Variants in LCLAT1 observed in about 807,000 individuals in gnomAD.
LCLAT1 encodes 1-AGP acyltransferase 8.
In LCLAT1, 11 loss-of-function variants were observed where a neutral mutation model predicts 30.7. The observed-to-expected ratio is 0.36, with a 90% CI of 0.23 to 0.59. The LOEUF is 0.59. Among genes scored for constraint, LCLAT1 ranks in the 20% least tolerant of loss-of-function variants. The pLI is 0.77. For synonymous variants in LCLAT1, 155 were observed against 151.3 expected, an observed-to-expected ratio of 1.02 and a Z score of -0.18; for missense variants, 402 against 458.6, an observed-to-expected ratio of 0.88 and a Z score of 1.13.
At chr2:30,638,422 C>A (rs1369615202) in intron 5 of LCLAT1, among the ~76,000 whole-genome samples, 1 of 152,290 alleles carries the variant, frequency 6.6e-6, no homozygotes, top group East Asian at 1.9e-4. Context: ...CTTATGCTCC[C>A]TTCTCATCGT....
chr2:30,608,563 A>G (rs1218967705), intron 5 of LCLAT1, among the ~76,000 whole-genome samples: 2 of 151,958 alleles, frequency 1.3e-5, no homozygotes, highest in African/African-American at 4.8e-5. Flanking sequence ...TATCTTTTAT[A>G]CTGTATTTTT....
At chr2:30,600,830 G>A (rs780462837) in intron 5 of LCLAT1, among the ~76,000 whole-genome samples, 8 of 152,090 alleles carry the variant, frequency 5.3e-5, no homozygotes, top group Non-Finnish European at 1.0e-4. Flanking sequence ...ATGTTGGCCC[G>A]TCTTCCTAGG....
At chr2:30,598,427 T>TTTA (rs1667028882) in intron 5 of LCLAT1, among the ~76,000 whole-genome samples, 1 of 151,676 alleles carries the variant, frequency 6.6e-6, no homozygotes, top group Non-Finnish European at 1.5e-5. Flanking sequence ...TTTTTTTTTT[T>TTTA]TTATTTGCAG....
Position 30,523,539 on chromosome 2 carries a change from G to A in LCLAT1, c.-4-2048G>A, listed in dbSNP as rs1351800123. 2.6e-5 allele frequency among the ~76,000 whole-genome samples: 4 copies of A among 152,168 alleles called. No individual in the cohort carries two copies. The East Asian group carries it at 7.7e-4, about 29-fold the overall frequency. ...ATATTTATTCAGTTTGTACTTTGAA[G>A]GATTTTGTACACGTACTGTCAAGTA... On this transcript the variant is annotated intron_variant, in intron 1 of 5. Coordinates refer to ENST00000379509, the MANE Select transcript of LCLAT1 (RefSeq NM_001002257.3).
In LCLAT1 at chr2:30,640,127, T is replaced by G. The variant is rs2148540180; in HGVS notation, c.639T>G (p.Leu213=). The G allele has an allele frequency of 1.2e-6, 2 of 1,610,686 alleles. No individual in the cohort carries two copies. Among genetic ancestry groups the G allele is most frequent in the Middle Eastern group, 3.3e-4 (2 of 6,046 alleles). The change falls in exon 6 of 6, where the codon CTT becomes CTG. Residue 213 remains leucine (L), a synonymous_variant. Coordinates refer to ENST00000379509, the MANE Select transcript of LCLAT1 (RefSeq NM_001002257.3). ...VVDRLREGKN[L]DAVHDITVAY... ...CTTTTCGAAACCCAGGTAAGAACCT[T>G]GATGCTGTCCATGATATCACTGTGG...
At chr2:30,464,657 T>C (rs1572478845) in intron 1 of LCLAT1, among the ~76,000 whole-genome samples, 1 of 152,086 alleles carries the variant, frequency 6.6e-6, no homozygotes, top group South Asian at 2.1e-4. Context: ...CAGACAAAAC[T>C]TCTCTTGTAT....
At chr2:30,454,924 T>C (rs916950125) in intron 1 of LCLAT1, among the ~76,000 whole-genome samples, 1 of 152,204 alleles carries the variant, frequency 6.6e-6, no homozygotes, top group East Asian at 1.9e-4. Flanking sequence ...AATTTATTTA[T>C]GGTAGTAATG....
At chr2:30,490,966 G>T (rs982779036) in intron 1 of LCLAT1, among the ~76,000 whole-genome samples, 3 of 152,154 alleles carry the variant, frequency 2.0e-5, no homozygotes, top group Admixed American at 1.3e-4. Context: ...AATTATTTTG[G>T]ATTGATTACA....
intron 5 of LCLAT1, among the ~76,000 whole-genome samples, chr2:30,594,077 C>T (rs974313087): frequency 1.3e-5 from 2 of 151,926 alleles, no homozygotes; most frequent in Non-Finnish European, 2.9e-5. Context: ...TAGTTTCACA[C>T]TTGTTTTTAG....
chr2:30,627,949 G>C (rs755236130), intron 5 of LCLAT1, among the ~76,000 whole-genome samples: 1 of 152,092 alleles, frequency 6.6e-6, no homozygotes, highest in Non-Finnish European at 1.5e-5. Flanking sequence ...AAATGTTAAT[G>C]AAAGCAATAA....
chr2:30,501,084 G>GTGTATGTGTGTGTA (rs56192317), intron 1 of LCLAT1, among the ~76,000 whole-genome samples: 1 of 103,130 alleles, frequency 9.7e-6, no homozygotes, highest in East Asian at 2.6e-4. Flanking sequence ...TTCTGTGTGT[G>GTGTATGTGTGTGTA]TGTGTGTGTG....
rs1486632119 is a variant in LCLAT1, at chr2:30,542,987, A to G, written c.364+9673A>G. Among the ~76,000 whole-genome samples, 10 of 91,532 alleles carry G rather than the reference A, an allele frequency of 1.1e-4. No individual in the cohort carries two copies. In the South Asian group the frequency reaches 2.4e-3, roughly 22 times the overall value. The allele number at this position is 91,532 out of a possible 152,430, so 60.0% of individuals were successfully genotyped here. The stretch of plus-strand genomic sequence containing the variant: ...TTTTTTTTGCCTTATTGCGGTGGCT[A>G]TTCTTTTAGTATAATGTTAAGTAGA... On this transcript the variant is annotated intron_variant, in intron 3 of 5. Transcript: ENST00000379509.
At chr2:30,533,452 T>C (rs200241750) in intron 3 of LCLAT1, 138 bp downstream of exon 3, 15 of 717,338 alleles carry the variant, frequency 2.1e-5, no homozygotes, top group Non-Finnish European at 3.2e-5. Context: ...CTTTTGTCTT[T>C]AGTGGATCTG....
Position 30,542,953 on chromosome 2 carries a change from C to CT in LCLAT1, c.364+9655dup, listed in dbSNP as rs34535640. On this transcript the variant is annotated intron_variant, in intron 3 of 5. Coordinates refer to ENST00000379509, the MANE Select transcript of LCLAT1 (RefSeq NM_001002257.3). Reference sequence around the variant, plus strand: ...TAATTTTAATATTCGACTTTTATGGCTTTTTTTTTTTTTTTTGCCTTATTG... The same window carrying CT: ...TAATTTTAATATTCGACTTTTATGGCTTTTTTTTTTTTTTTTTGCCTTATTG... Among the ~76,000 whole-genome samples, 822 of 124,150 alleles carry CT rather than the reference C, an allele frequency of 6.6e-3. 5 individuals carry two copies. The highest frequency in any genetic ancestry group is 0.014 in the African/African-American group (480 of 33,278). 81.4% of individuals were successfully genotyped at this position (124,150 alleles called of 152,430 possible). A position where few individuals can be genotyped will look rare whatever the true frequency, so the allele number is the denominator to read the frequency against.
At chr2:30,593,769 A>T (rs530790723) in intron 5 of LCLAT1, among the ~76,000 whole-genome samples, 1 of 152,138 alleles carries the variant, frequency 6.6e-6, no homozygotes, top group South Asian at 2.1e-4. Context: ...TATTCTTGGT[A>T]TTGAATGGCC....
intron 1 of LCLAT1, among the ~76,000 whole-genome samples, chr2:30,515,321 C>T (rs1325630114): frequency 6.6e-6 from 1 of 152,204 alleles, no homozygotes; most frequent in African/African-American, 2.4e-5. Flanking sequence ...TATTTTCGTA[C>T]TTAGCTTCCC....
chr2:30,501,148 A>G (rs1684366747), intron 1 of LCLAT1, among the ~76,000 whole-genome samples: 1 of 150,516 alleles, frequency 6.6e-6, no homozygotes, highest in South Asian at 2.1e-4. Flanking sequence ...TGCTTATAAA[A>G]TCCTGATTCT....
At chr2:30,566,273 A>T (rs965377985) in intron 4 of LCLAT1, among the ~76,000 whole-genome samples, 4 of 152,176 alleles carry the variant, frequency 2.6e-5, no homozygotes, top group African/African-American at 9.7e-5. Context: ...GAATCCCCAG[A>T]GTTTTATAAA....
At chr2:30,477,472 A>G (rs1410393538) in intron 1 of LCLAT1, among the ~76,000 whole-genome samples, 1 of 152,170 alleles carries the variant, frequency 6.6e-6, no homozygotes, top group Non-Finnish European at 1.5e-5. Context: ...ATTTCTGGAT[A>G]CTTGTTTGGT....
Sources: allele counts gnomAD v4.1 joint callset (sites outside exome capture counted in the v4.1 genomes callset), GRCh38; gene constraint gnomAD v4.1.1; transcripts MANE v1.5; gene names NCBI Gene and HGNC (gene_info 2026-07-23, HGNC 2026-07-21).